UBAC2: variants seen among roughly 807,000 people sequenced by gnomAD.
UBAC2 encodes UBA domain containing 2.
UBAC2 carries 26 observed loss-of-function variants against 44.0 expected under a neutral mutation model. The ratio of observed to expected loss-of-function variants is 0.59; its 90% CI spans 0.43 to 0.82. The LOEUF (loss-of-function observed/expected upper bound fraction) is 0.82. Ranked by LOEUF, UBAC2 falls within the 40% of genes least tolerant of loss-of-function variation. The pLI, the probability that UBAC2 is intolerant of heterozygous loss-of-function variation, is 0.00. For synonymous variants in UBAC2, 155 were observed against 154.3 expected (o/e 1.00, Z -0.04); for missense variants, 329 against 419.4 (o/e 0.78, Z 1.88).
rs117974538 is a variant in UBAC2, at chr13:99,347,528, G to A, written c.807+6963G>A. 2.5e-3 allele frequency among the ~76,000 whole-genome samples: 375 copies of A among 152,098 alleles called. 1 individual carries two copies. Among genetic ancestry groups the A allele is most frequent in the Non-Finnish European group, 4.3e-3 (292 of 67,966 alleles). Reference sequence around the variant, plus strand: ...CTGGGACATCACTGTGGTCACGCTGGTCCCCGTTCAAGTTACTTTCACTCT... The same window carrying A: ...CTGGGACATCACTGTGGTCACGCTGATCCCCGTTCAAGTTACTTTCACTCT... On this transcript the variant is annotated intron_variant, in intron 7 of 8. Transcript: ENST00000403766.
chr13:99,314,138 C>G lies in UBAC2; in HGVS notation c.431C>G (p.Ser144Cys). ...VFALFVPFYC[S>C]IPRVQVAQIL... ...GCTCTGTTTGTACCATTTTACTGCTCCATACCAAGAGTCCAAGTGGCACAA... is the reference window on the plus strand; with the variant it reads ...GCTCTGTTTGTACCATTTTACTGCTGCATACCAAGAGTCCAAGTGGCACAA... Residue 144 changes from serine to cysteine, a missense_variant, in exon 5 of 9, where the codon TCC (serine) becomes TGC (cysteine). Physicochemically the swap from Ser to Cys is moderately radical, Grantham distance 112 (BLOSUM62 -1). Coordinates refer to ENST00000403766, the MANE Select transcript of UBAC2 (RefSeq NM_001144072.2). 6.2e-7 allele frequency: 1 copy of G among 1,613,760 alleles called. No homozygotes were observed. The highest frequency in any genetic ancestry group is 1.1e-5 in the South Asian group (1 of 90,968).
intron 4 of UBAC2, among the ~76,000 whole-genome samples, chr13:99,293,768 A>T (rs1017197920): frequency 3.9e-5 from 6 of 152,346 alleles, no homozygotes; most frequent in African/African-American, 1.2e-4. Flanking sequence ...ATACAGAGTA[A>T]AAGTTGAAAA....
chr13:99,259,358 T>TC (rs901589407), intron 4 of UBAC2, among the ~76,000 whole-genome samples: 3 of 152,092 alleles, frequency 2.0e-5, no homozygotes, highest in Non-Finnish European at 4.4e-5. Flanking sequence ...TTTTTTTTTT[T>TC]TCTCAGACAA....
chr13:99,356,545 G>GA (rs749028529), intron 7 of UBAC2, among the ~76,000 whole-genome samples: 2 of 152,246 alleles, frequency 1.3e-5, no homozygotes, highest in Non-Finnish European at 2.9e-5. Context: ...GTCACTGTGA[G>GA]AAACCACAAA....
intron 1 of UBAC2, among the ~76,000 whole-genome samples, chr13:99,220,737 C>A (rs1252699071): frequency 6.6e-6 from 1 of 152,072 alleles, no homozygotes; most frequent in African/African-American, 2.4e-5. Flanking sequence ...GCGTATGAAC[C>A]ACTTCCTGGC....
chr13:99,232,422 T>TATATATATATATATATA (rs1566458503), intron 1 of UBAC2, among the ~76,000 whole-genome samples: 3 of 56,554 alleles, frequency 5.3e-5, no homozygotes, highest in Non-Finnish European at 1.2e-4. Flanking sequence ...ATATATATAT[T>TATATATATATATATATA]CACACACACA....
chr13:99,255,282 C>T, intron 4 of UBAC2: 17 of 1,613,732 alleles, frequency 1.1e-5, no homozygotes, highest in Non-Finnish European at 1.4e-5. Context: ...ACAAAGGAAT[C>T]AAGAAAAAAA....
chr13:99,309,103 C>T (rs2138753225), intron 4 of UBAC2, among the ~76,000 whole-genome samples: 1 of 151,964 alleles, frequency 6.6e-6, no homozygotes, highest in South Asian at 2.1e-4. Flanking sequence ...CAAACTGGAT[C>T]TGTCCTCCCA....
intron 4 of UBAC2, among the ~76,000 whole-genome samples, chr13:99,306,296 G>GT (rs1220116559): frequency 2.6e-5 from 4 of 152,162 alleles, no homozygotes; most frequent in Admixed American, 6.5e-5. Context: ...ATGGGAGACA[G>GT]TTTTTTAGCA....
rs115244728 is a variant in UBAC2 at position 99,216,401 on chromosome 13, G to A, written c.31+15462G>A. ...ATTACAGGTGTGAGCCACCGTGCCC[G>A]GCCCAGTGTGTTTATTTTTATAGTT... On this transcript the variant is annotated intron_variant, in intron 1 of 8. Coordinates refer to ENST00000403766, the MANE Select transcript of UBAC2 (RefSeq NM_001144072.2). Among the ~76,000 whole-genome samples, 970 of 152,210 alleles carry A rather than the reference G, an allele frequency of 6.4e-3. 6 individuals carry two copies. The highest frequency in any genetic ancestry group is 0.023 in the African/African-American group (938 of 41,516).
At chr13:99,276,942 T>G (rs2138676269) in intron 4 of UBAC2, among the ~76,000 whole-genome samples, 1 of 152,314 alleles carries the variant, frequency 6.6e-6, no homozygotes, top group East Asian at 1.9e-4. Context: ...TGCCTTCCTC[T>G]TAGCACTTCT....
intron 7 of UBAC2, among the ~76,000 whole-genome samples, chr13:99,345,490 C>T (rs1194954256): frequency 2.0e-5 from 3 of 152,074 alleles, no homozygotes; most frequent in Non-Finnish European, 4.4e-5. Flanking sequence ...TCTGTTCACT[C>T]CCTAAATAGG....
At chr13:99,236,149 G>T (rs1481508989) in intron 1 of UBAC2, among the ~76,000 whole-genome samples, 2 of 152,180 alleles carry the variant, frequency 1.3e-5, no homozygotes, top group Non-Finnish European at 2.9e-5. Flanking sequence ...TCTGGGCAAA[G>T]ACTTTTTGTG....
Position 99,385,262 on chromosome 13 carries a change from G to A in UBAC2, c.962G>A (p.Gly321Asp). ...CTCATGGAGATGGGATTTTCCAGAG[G>A]TGATGCTTTGGAAGCCCTGAGAGCT... ...ARLMEMGFSR[G>D]DALEALRASN... The change falls in exon 9 of 9, where the codon GGT becomes GAT. Residue 321 changes from glycine to aspartate, a missense_variant. Coordinates refer to ENST00000403766, the MANE Select transcript of UBAC2 (RefSeq NM_001144072.2). The A allele has an allele frequency of 6.2e-7, 1 of 1,614,158 alleles. No individual in the cohort carries two copies. Among genetic ancestry groups the A allele is most frequent in the Non-Finnish European group, 8.5e-7 (1 of 1,180,040 alleles).
chr13:99,279,646 C>T (rs2043927780), intron 4 of UBAC2, among the ~76,000 whole-genome samples: 1 of 152,228 alleles, frequency 6.6e-6, no homozygotes, highest in Non-Finnish European at 1.5e-5. Flanking sequence ...ATGCCCTAGA[C>T]TGTGTGACTT....
chr13:99,338,039 CTT>C (rs747905404), intron 6 of UBAC2, among the ~76,000 whole-genome samples: 2 of 91,562 alleles, frequency 2.2e-5, no homozygotes, highest in Non-Finnish European at 3.9e-5. Context: ...AACTTTTTTT[CTT>C]TTTTTCTTTT....
intron 8 of UBAC2, among the ~76,000 whole-genome samples, chr13:99,374,306 G>A (rs889545596): frequency 1.3e-5 from 2 of 152,128 alleles, no homozygotes; most frequent in Admixed American, 1.3e-4. Context: ...GAAAAAGCAG[G>A]TCTTCTTGTT....
At chr13:99,374,084 T>C (rs1157368895) in intron 8 of UBAC2, among the ~76,000 whole-genome samples, 2 of 152,228 alleles carry the variant, frequency 1.3e-5, no homozygotes, top group Admixed American at 6.5e-5. Context: ...TTGCAACTTA[T>C]GAATTAGTGC....
At chr13:99,262,957 T>G (rs766707024) in intron 4 of UBAC2, among the ~76,000 whole-genome samples, 1 of 152,124 alleles carries the variant, frequency 6.6e-6, no homozygotes, top group African/African-American at 2.4e-5. Context: ...TGAAAGGTAA[T>G]CAGAGGTGAC....
Sources: allele counts gnomAD v4.1 joint callset (sites outside exome capture counted in the v4.1 genomes callset), GRCh38; gene constraint gnomAD v4.1.1; transcripts MANE v1.5; gene names NCBI Gene and HGNC (gene_info 2026-07-23, HGNC 2026-07-21).